The following PTPRF variants were observed in gnomAD, a reference collection of about 807,000 sequenced individuals.
PTPRF encodes receptor-type tyrosine-protein phosphatase F.
Under a neutral mutation model 201.8 loss-of-function variants are expected in PTPRF, and 59 were observed. The observed-to-expected ratio is 0.29, with a 90% CI of 0.24 to 0.36. PTPRF has a LOEUF of 0.36. PTPRF is among the 10% of genes least tolerant of loss of function. The pLI is 1.00. For synonymous variants in PTPRF, 1,088 were observed against 1,089.7 expected (o/e 1.00, Z 0.03); for missense variants, 2,132 against 2,690.5 (o/e 0.79, Z 4.59).
intron 5 of PTPRF, among the ~76,000 whole-genome samples, chr1:43,565,865 C>A (rs1486856212): frequency 6.6e-6 from 1 of 152,146 alleles, no homozygotes. Context: ...CTCGGGCACA[C>A]GCAGCCCTTC....
chr1:43,587,857 C>T (rs964827332), intron 7 of PTPRF, among the ~76,000 whole-genome samples: 34 of 152,170 alleles, frequency 2.2e-4, no homozygotes, highest in African/African-American at 6.3e-4. Context: ...CTTCCAACTT[C>T]GGGGGCGGGT....
At position 43,620,477 on chromosome 1, in the gene PTPRF, A is replaced by T. The variant is rs1197227409; in HGVS notation, c.5262A>T (p.Pro1754=). 1 of 1,613,322 alleles carries T rather than the reference A, an allele frequency of 6.2e-7. No homozygotes were observed. The highest frequency in any genetic ancestry group is 1.1e-5 in the South Asian group (1 of 91,062). The change falls in exon 31 of 34, where the codon CCA becomes CCT. Residue 1754 remains proline (P), a synonymous_variant. Coordinates refer to ENST00000359947, the MANE Select transcript of PTPRF (RefSeq NM_002840.5). ...AGGAGAAATGCCACCAGTACTGGCC[A>T]GCAGAGCGCTCTGCTCGCTACCAGT... ...MGREKCHQYW[P]AERSARYQYF...
At chr1:43,544,808 C>T (rs1644560012) in intron 2 of PTPRF, among the ~76,000 whole-genome samples, 1 of 152,034 alleles carries the variant, frequency 6.6e-6, no homozygotes, top group Non-Finnish European at 1.5e-5. Flanking sequence ...TCCACCGTGA[C>T]TGTTGGGCTG....
In PTPRF at chr1:43,578,877, G is replaced by A. The variant is rs140062416; in HGVS notation, c.636G>A (p.Ser212=). ...QGKYECVATN[S]AGTRYSAPAN... is the part of the protein sequence containing the mutation. The stretch of plus-strand genomic sequence containing the variant: ...AGTACGAGTGTGTGGCGACCAACTC[G>A]GCAGGCACACGTTACTCAGCCCCTG... The change falls in exon 7 of 34, where the codon TCG becomes TCA. Residue 212 remains serine, a synonymous_variant. Coordinates refer to ENST00000359947, the MANE Select transcript of PTPRF (RefSeq NM_002840.5). 101 of 1,614,056 alleles carry A rather than the reference G, an allele frequency of 6.3e-5. No individual in the cohort carries two copies. The African/African-American group carries it at 7.7e-4, about 12-fold the overall frequency.
chr1:43,564,755 C>A (rs1364734082), intron 5 of PTPRF, among the ~76,000 whole-genome samples: 1 of 152,130 alleles, frequency 6.6e-6, no homozygotes, highest in Non-Finnish European at 1.5e-5. Flanking sequence ...TGCGTGCCTG[C>A]GTTTGCACGG....
chr1:43,553,414 C>T lies in PTPRF; in HGVS notation c.92-78C>T. 6.8e-7 allele frequency: 1 copy of T among 1,476,316 alleles called. No individual in the cohort carries two copies. Among genetic ancestry groups the T allele is most frequent in the Non-Finnish European group, 9.3e-7 (1 of 1,077,596 alleles). The allele number at this position is 1,476,316 out of a possible 1,614,324, so 91.5% of individuals were successfully genotyped here. A position where few individuals can be genotyped will look rare whatever the true frequency, so the allele number is the denominator to read the frequency against. On this transcript the variant is annotated intron_variant, in intron 3 of 33. Coordinates refer to ENST00000359947, the MANE Select transcript of PTPRF (RefSeq NM_002840.5). The surrounding 1 kb of genome is among the most constrained non-coding windows in gnomAD (Gnocchi z 4.1). The stretch of plus-strand genomic sequence containing the variant: ...TTCTTTGTAGGTCTTTCTCTCTGCC[C>T]CCATGACTGCCACCTTCCTCACTGG...
At chr1:43,562,459 G>A (rs1260770708) in intron 5 of PTPRF, among the ~76,000 whole-genome samples, 1 of 152,072 alleles carries the variant, frequency 6.6e-6, no homozygotes, top group Non-Finnish European at 1.5e-5. Flanking sequence ...AGGCTGGAGT[G>A]CAGTGGCGTG....
intron 33 of PTPRF, 36 bp downstream of exon 33, chr1:43,621,268 C>T: frequency 6.2e-7 from 1 of 1,607,620 alleles, no homozygotes; most frequent in Non-Finnish European, 8.5e-7. Context: ...AGGGCCTTGG[C>T]AGCAGCGCTG....
intron 5 of PTPRF, among the ~76,000 whole-genome samples, chr1:43,565,716 C>T (rs1021114338): frequency 3.9e-5 from 6 of 151,924 alleles, no homozygotes; most frequent in Admixed American, 6.5e-5. Flanking sequence ...AGGGCCGCGT[C>T]GGTGAAGCGG....
chr1:43,582,949 G>A (rs1391592457), intron 7 of PTPRF: 9 of 503,068 alleles, frequency 1.8e-5, no homozygotes, highest in African/African-American at 6.3e-5. Context: ...CAGGAGTCTC[G>A]TCTCGTCTCC....
Position 43,619,502 on chromosome 1 carries a change from T to C in PTPRF, c.4861T>C (p.Tyr1621His), listed in dbSNP as rs142117073. The C allele has an allele frequency of 1.3e-4, 211 of 1,613,922 alleles. No individual in the cohort carries two copies. Among genetic ancestry groups the C allele is most frequent in the Non-Finnish European group, 1.7e-4 (195 of 1,180,030 alleles). The change falls in exon 28 of 34, where the codon TAT becomes CAT. Residue 1621 changes from tyrosine (Y) to histidine (H), a missense_variant. Physicochemically the swap from Tyr to His is moderately conservative, Grantham distance 83. This residue lies in a region of PTPRF where 519 missense variants were observed against 659.5 expected (regional missense o/e 0.79). Coordinates refer to ENST00000359947, the MANE Select transcript of PTPRF (RefSeq NM_002840.5). Reference protein sequence around the residue: ...GHTEVPARNLYAHIQKLGQVP... With the variant: ...GHTEVPARNLHAHIQKLGQVP... Reference sequence around the variant, plus strand: ...CACAGAGGTGCCTGCCCGCAACCTGTATGCCCACATCCAGAAGCTGGGCCA... The same window carrying C: ...CACAGAGGTGCCTGCCCGCAACCTGCATGCCCACATCCAGAAGCTGGGCCA...
intron 23 of PTPRF, among the ~76,000 whole-genome samples, chr1:43,616,154 G>A (rs1657807912): frequency 6.6e-6 from 1 of 151,568 alleles, no homozygotes; most frequent in South Asian, 2.1e-4. Context: ...TAATGAGGCT[G>A]GGGACAACAT....
intron 5 of PTPRF, among the ~76,000 whole-genome samples, chr1:43,556,961 CTGAT>C (rs1379323167): frequency 6.6e-6 from 1 of 152,250 alleles, no homozygotes; most frequent in African/African-American, 2.4e-5. Flanking sequence ...GCCAGCATCA[CTGAT>C]TGCTGAGTGT....
At chr1:43,577,804 G>A (rs145314060) in intron 6 of PTPRF, among the ~76,000 whole-genome samples, 8 of 152,316 alleles carry the variant, frequency 5.3e-5, no homozygotes, top group Non-Finnish European at 1.0e-4. Context: ...CTGTTGGACC[G>A]TCCTGTGTGG....
chr1:43,561,915 C>T (rs1645831185), intron 5 of PTPRF, among the ~76,000 whole-genome samples: 1 of 152,176 alleles, frequency 6.6e-6, no homozygotes, highest in Admixed American at 6.5e-5. Flanking sequence ...CCAGCCTGCC[C>T]CCCTGCCCCT....
intron 1 of PTPRF, among the ~76,000 whole-genome samples, chr1:43,531,517 C>A (rs1207516536): frequency 1.4e-5 from 2 of 147,806 alleles, no homozygotes; most frequent in Non-Finnish European, 3.0e-5. Context: ...CCCCCCAGCC[C>A]CGGGCTCCGG....
chr1:43,556,356 A>G (rs2842178), intron 5 of PTPRF, among the ~76,000 whole-genome samples: 110,512 of 151,900 alleles, frequency 0.73, 41,153 homozygotes, highest in African/African-American at 0.89. Flanking sequence ...CCACCTCCCG[A>G]GTTCAAGTGA....
upstream of PTPRF, among the ~76,000 whole-genome samples, chr1:43,530,016 T>C (rs1643308218): frequency 6.6e-6 from 1 of 151,838 alleles, no homozygotes; most frequent in Admixed American, 6.6e-5. The surrounding 1 kb of genome is among the most constrained non-coding windows in gnomAD (Gnocchi z 4.1). Context: ...AGGGTGAACA[T>C]GAGGATGAAG....
chr1:43,571,098 TGGGGTGCCCGGCCCTG>T (rs1261947645), intron 6 of PTPRF, among the ~76,000 whole-genome samples: 1 of 152,182 alleles, frequency 6.6e-6, no homozygotes. Flanking sequence ...ATATAGTGCT[TGGGGTGCCCGGCCCTG>T]GGCCACCCCT....
Sources: allele counts gnomAD v4.1 joint callset (sites outside exome capture counted in the v4.1 genomes callset), GRCh38; gene constraint gnomAD v4.1.1; regional missense constraint gnomAD v4.1.1; non-coding constraint Gnocchi (gnomAD v3.1); transcripts MANE v1.5; gene names NCBI Gene and HGNC (gene_info 2026-07-23, HGNC 2026-07-21).